Variants in ACVR1 observed in about 807,000 individuals in gnomAD.
The protein encoded by ACVR1 is activin A receptor type 1.
In ACVR1, 38 loss-of-function variants were observed where a neutral mutation model predicts 57.1. The observed-to-expected ratio is 0.67, with a 90% confidence interval of 0.51 to 0.87. The LOEUF (loss-of-function observed/expected upper bound fraction) is 0.87. ACVR1 is among the 40% of genes least tolerant of loss of function. The probability of loss-of-function intolerance (pLI) is 0.00; values close to 1 mark genes in which losing one functional copy is unlikely to be tolerated. For missense variants in ACVR1, 463 were observed against 638.2 expected, an observed-to-expected ratio of 0.73 and a Z score of 2.96; for synonymous variants, 212 against 228.1, an observed-to-expected ratio of 0.93 and a Z score of 0.63.
At chr2:157,765,651 G>A (rs557279319) in intron 8 of ACVR1, among the ~76,000 whole-genome samples, 1 of 152,292 alleles carries the variant, frequency 6.6e-6, no homozygotes, top group South Asian at 2.1e-4. Flanking sequence ...GAATTCCTTT[G>A]TCTGCAATTT....
At chr2:157,848,337 C>A (rs1689188913) in intron 1 of ACVR1, among the ~76,000 whole-genome samples, 1 of 152,188 alleles carries the variant, frequency 6.6e-6, no homozygotes, top group Admixed American at 6.5e-5. Context: ...TGGAACCCAG[C>A]CGCCATGCTA....
At position 157,778,298 on chromosome 2, in the gene ACVR1, G is replaced by A; in HGVS notation, c.376C>T (p.Leu126Phe). ...GTQNFHLEVG[L>F]IILSVVFAVC... Reference sequence around the variant, plus strand: ...GCGAACACTACAGAGAGAATAATGAGGCCAACCTCCAAGTGGAAATTCTGT... The same window carrying A: ...GCGAACACTACAGAGAGAATAATGAAGCCAACCTCCAAGTGGAAATTCTGT... The change falls in exon 5 of 11, where the codon CTC (leucine) becomes TTC (phenylalanine). Residue 126 changes from leucine (L) to phenylalanine (F), a missense_variant. This residue lies in a region of ACVR1 where 203 missense variants were observed against 235.5 expected (regional missense o/e 0.86). Transcript: ENST00000434821. 1 of 1,614,026 alleles carries A rather than the reference G, an allele frequency of 6.2e-7. No individual in the cohort carries two copies. The highest frequency in any genetic ancestry group is 1.7e-5 in the Admixed American group (1 of 60,006).
intron 2 of ACVR1, among the ~76,000 whole-genome samples, chr2:157,812,475 T>C (rs1687783785): frequency 6.6e-6 from 1 of 152,220 alleles, no homozygotes; most frequent in Admixed American, 6.5e-5. Context: ...ATATACTATT[T>C]CTTGGCCTGC....
intron 1 of ACVR1, among the ~76,000 whole-genome samples, chr2:157,865,821 A>AAGATTAGAT (rs1553452952): frequency 1.5e-5 from 2 of 137,000 alleles, no homozygotes; most frequent in Admixed American, 1.5e-4. Context: ...AAAAAGAAAA[A>AAGATTAGAT]AGATAGATAG....
intron 2 of ACVR1, among the ~76,000 whole-genome samples, chr2:157,815,096 T>A (rs1220591511): frequency 1.3e-5 from 2 of 151,814 alleles, no homozygotes; most frequent in Non-Finnish European, 2.9e-5. Flanking sequence ...CTCAAAAAAA[T>A]AAATAAATAA....
chr2:157,816,365 C>T (rs947110193), intron 2 of ACVR1, among the ~76,000 whole-genome samples: 3 of 151,372 alleles, frequency 2.0e-5, no homozygotes, highest in Admixed American at 2.0e-4. Flanking sequence ...AGAAGGAATA[C>T]TTGAGGCCAG....
intron 1 of ACVR1, among the ~76,000 whole-genome samples, chr2:157,865,795 CAA>C (rs58489057): frequency 0.035 from 4,188 of 119,212 alleles, 182 homozygotes; most frequent in African/African-American, 0.12. Flanking sequence ...AACTCCATCT[CAA>C]AAAAAAAAAA....
At chr2:157,844,212 G>C (rs1417393341) in intron 1 of ACVR1, among the ~76,000 whole-genome samples, 2 of 152,158 alleles carry the variant, frequency 1.3e-5, no homozygotes, top group Non-Finnish European at 2.9e-5. Context: ...GTGTCTTCCA[G>C]GTTTGTAAAA....
chr2:157,834,395 G>A (rs1688703110), intron 1 of ACVR1, among the ~76,000 whole-genome samples: 1 of 152,028 alleles, frequency 6.6e-6, no homozygotes, highest in Admixed American at 6.5e-5. Context: ...GCCCAGCCTG[G>A]TAATTTTTTT....
intron 2 of ACVR1, among the ~76,000 whole-genome samples, chr2:157,814,853 G>A (rs1473704189): frequency 6.6e-6 from 1 of 152,202 alleles, no homozygotes; most frequent in Admixed American, 6.5e-5. Context: ...GGAGGCCGAG[G>A]TGGGTGGACC....
chr2:157,766,323 C>T (rs1254357142), intron 7 of ACVR1, 127 bp from the exon 8 acceptor site: 5 of 955,084 alleles, frequency 5.2e-6, no homozygotes, highest in South Asian at 2.9e-5. Flanking sequence ...ACCAATTGCC[C>T]TAAGAGGAGG....
At chr2:157,803,549 G>T (rs903417728) in intron 2 of ACVR1, among the ~76,000 whole-genome samples, 2 of 152,128 alleles carry the variant, frequency 1.3e-5, no homozygotes, top group South Asian at 2.1e-4. Flanking sequence ...ATCTCAACCC[G>T]AAGTCCCAAG....
intron 2 of ACVR1, among the ~76,000 whole-genome samples, chr2:157,809,618 G>A (rs1039694443): frequency 1.3e-5 from 2 of 151,956 alleles, no homozygotes; most frequent in Admixed American, 1.3e-4. Flanking sequence ...CACTCGACCA[G>A]AAACACTCAC....
chr2:157,837,506 T>A (rs1023057809), intron 1 of ACVR1, among the ~76,000 whole-genome samples: 28 of 152,252 alleles, frequency 1.8e-4, no homozygotes, highest in Non-Finnish European at 3.1e-4. Context: ...TTAAATTTTT[T>A]AATTTAATTT....
At chr2:157,846,965 G>A (rs1431714385) in intron 1 of ACVR1, among the ~76,000 whole-genome samples, 1 of 152,108 alleles carries the variant, frequency 6.6e-6, no homozygotes, top group Non-Finnish European at 1.5e-5. Flanking sequence ...GGCTGGATAG[G>A]TAAAGATTAA....
intron 2 of ACVR1, among the ~76,000 whole-genome samples, chr2:157,815,208 T>C (rs377087691): frequency 3.3e-5 from 5 of 152,074 alleles, no homozygotes; most frequent in African/African-American, 7.2e-5. Context: ...AAAAGAAAAA[T>C]TGTAATATAT....
chr2:157,790,647 G>C (rs749651591), intron 3 of ACVR1, among the ~76,000 whole-genome samples: 2 of 152,118 alleles, frequency 1.3e-5, no homozygotes, highest in African/African-American at 4.8e-5. Context: ...TTCTACGTTC[G>C]CACTAAGGCT....
At chr2:157,865,094 C>A (rs1574164013) in intron 1 of ACVR1, among the ~76,000 whole-genome samples, 2 of 67,940 alleles carry the variant, frequency 2.9e-5, no homozygotes, top group African/African-American at 4.8e-5. Flanking sequence ...CTCAAACTTA[C>A]ACAGGAAAAA....
At chr2:157,778,453 A>G in intron 4 of ACVR1, 111 bp from the exon 5 acceptor site, 1 of 895,440 alleles carries the variant, frequency 1.1e-6, no homozygotes, top group Non-Finnish European at 1.8e-6. Context: ...ACAGTCTCAC[A>G]ACTCACGAAG....
Sources: allele counts gnomAD v4.1 joint callset (sites outside exome capture counted in the v4.1 genomes callset), GRCh38; gene constraint gnomAD v4.1.1; regional missense constraint gnomAD v4.1.1; transcripts MANE v1.5; gene names NCBI Gene and HGNC (gene_info 2026-07-23, HGNC 2026-07-21).